Variants in COL28A1 observed in about 807,000 individuals in gnomAD.
The protein encoded by COL28A1 is collagen alpha-1(XXVIII) chain.
COL28A1 carries 161 observed loss-of-function variants against 150.2 expected under a neutral mutation model. The observed-to-expected ratio is 1.07, with a 90% CI of 0.94 to 1.22. The LOEUF is 1.22. Ranked by LOEUF, COL28A1 falls within the 50% of genes most tolerant of loss-of-function variation. COL28A1 has a pLI of 0.00. For missense variants in COL28A1, 1,617 were observed against 1,388.3 expected (o/e 1.16, Z -2.62); for synonymous variants, 552 against 469.7 (o/e 1.18, Z -2.26).
At chr7:7,369,835 A>G (rs1781124003) in intron 33 of COL28A1, among the ~76,000 whole-genome samples, 1 of 152,120 alleles carries the variant, frequency 6.6e-6, no homozygotes, top group Non-Finnish European at 1.5e-5. Context: ...TCACTCTTTC[A>G]TGTACATGAA....
chr7:7,479,562 A>G (rs1299888231), intron 13 of COL28A1, among the ~76,000 whole-genome samples: 2 of 152,236 alleles, frequency 1.3e-5, no homozygotes, highest in Non-Finnish European at 2.9e-5. Context: ...TTCTGTACTG[A>G]TAAATTTGGA....
At chr7:7,350,655 C>CT in the COL28A1 span, among the ~76,000 whole-genome samples, 3,501 of 115,076 alleles carry the variant, frequency 0.03, 74 homozygotes, top group African/African-American at 0.054. Context: ...GTTTTCTTTC[C>CT]TTTTTTTTTT....
At chr7:7,445,478 A>T (rs1786181872) in intron 18 of COL28A1, among the ~76,000 whole-genome samples, 5 of 152,232 alleles carry the variant, frequency 3.3e-5, no homozygotes, top group Admixed American at 3.3e-4. Flanking sequence ...TTTCTGTTGT[A>T]TTAAGGCACT....
chr7:7,367,648 A>G (rs1341734317), intron 33 of COL28A1, among the ~76,000 whole-genome samples: 1 of 151,904 alleles, frequency 6.6e-6, no homozygotes, highest in East Asian at 1.9e-4. Flanking sequence ...AAAGCTTCAT[A>G]TGTCCTAGTC....
At chr7:7,349,068 C>T in the COL28A1 span, among the ~76,000 whole-genome samples, 1 of 152,002 alleles carries the variant, frequency 6.6e-6, no homozygotes, top group Non-Finnish European at 1.5e-5. Flanking sequence ...ATGTTGTGTC[C>T]TTCTTTTCAA....
chr7:7,450,643 A>G (rs1257797589), intron 18 of COL28A1, among the ~76,000 whole-genome samples: 1 of 152,206 alleles, frequency 6.6e-6, no homozygotes, highest in African/African-American at 2.4e-5. Context: ...CGCACGCTCT[A>G]TGATCTTCCC....
chr7:7,437,402 C>T lies in COL28A1; in HGVS notation c.1783G>A (p.Gly595Arg), dbSNP rs1381246230. The T allele has an allele frequency of 1.2e-6, 2 of 1,613,064 alleles. No homozygotes were observed. The highest frequency in any genetic ancestry group is 1.7e-6 in the Non-Finnish European group (2 of 1,179,676). The change falls in exon 22 of 35, where the codon GGG (glycine) becomes AGG (arginine). Residue 595 changes from glycine (G) to arginine (R), a missense_variant. Physicochemically the swap from Gly to Arg is moderately radical, Grantham distance 125. Transcript: ENST00000399429. ...MPGTSIPGPP[G>R]PKGDRGGPGI... ...TCTCCAAGAATATATACCTTTGGCC[C>T]AGGTGGTCCAGGAATTGATGTTCCA...
At chr7:7,393,483 G>C (rs1016593160) in intron 27 of COL28A1, among the ~76,000 whole-genome samples, 1 of 152,230 alleles carries the variant, frequency 6.6e-6, no homozygotes, top group Non-Finnish European at 1.5e-5. Context: ...TTGAACGCTG[G>C]GCTGGGAGAT....
chr7:7,520,170 AC>A, intron 5 of COL28A1, 55 bp from the exon 6 acceptor site: 1 of 818,118 alleles, frequency 1.2e-6, no homozygotes, highest in Non-Finnish European at 2.0e-6. Context: ...TGTTTTCTAT[AC>A]TTTATAATAA....
chr7:7,446,616 T>TTTA (rs1786281710), intron 18 of COL28A1, among the ~76,000 whole-genome samples: 1 of 152,330 alleles, frequency 6.6e-6, no homozygotes, highest in East Asian at 1.9e-4. Flanking sequence ...TTTATGAGGC[T>TTTA]TATAAAGCCT....
chr7:7,456,942 G>C (rs2128334968), intron 15 of COL28A1, among the ~76,000 whole-genome samples: 1 of 152,336 alleles, frequency 6.6e-6, no homozygotes, highest in East Asian at 1.9e-4. Context: ...ACTGACGAGA[G>C]GGAATGAGCC....
chr7:7,452,356 G>A lies in COL28A1; in HGVS notation c.1472C>T (p.Pro491Leu). ...TACTCCAATTCCCACTGGTCCTCGA[G>A]GGCCTGTAGGTCCCATTTGGCCTAC... Reference protein sequence around the residue: ...GEVGQMGPTGPRGPVGIGVQG... With the variant: ...GEVGQMGPTGLRGPVGIGVQG... Residue 491 changes from proline to leucine, a missense_variant, in exon 18 of 35, where the codon CCT becomes CTT. Transcript: ENST00000399429. The A allele has an allele frequency of 6.2e-7, 1 of 1,604,860 alleles. No individual in the cohort carries two copies.
At chr7:7,489,070 T>C (rs1439541106) in intron 13 of COL28A1, among the ~76,000 whole-genome samples, 1 of 152,072 alleles carries the variant, frequency 6.6e-6, no homozygotes, top group Non-Finnish European at 1.5e-5. Context: ...GAGTTCGAGA[T>C]GAGCCTGGCC....
chr7:7,431,885 T>A (rs1357987476), intron 25 of COL28A1, among the ~76,000 whole-genome samples: 1 of 152,134 alleles, frequency 6.6e-6, no homozygotes, highest in Non-Finnish European at 1.5e-5. Context: ...TGACAGGATT[T>A]ACCAAAGGAC....
At chr7:7,527,726 C>A (rs557122345) in intron 3 of COL28A1, among the ~76,000 whole-genome samples, 3 of 152,238 alleles carry the variant, frequency 2.0e-5, no homozygotes, top group Admixed American at 6.5e-5. Context: ...TTAATGGATT[C>A]ATATATATGG....
At chr7:7,436,140 C>T (rs1388615225) in intron 23 of COL28A1, among the ~76,000 whole-genome samples, 1 of 152,176 alleles carries the variant, frequency 6.6e-6, no homozygotes, top group East Asian at 1.9e-4. Flanking sequence ...CCTTGTATCA[C>T]TGACAGTGCA....
chr7:7,380,689 G>A lies in COL28A1; in HGVS notation c.2293C>T (p.Gln765Ter), dbSNP rs201390762. 1.2e-4 allele frequency: 197 copies of A among 1,613,604 alleles called. No individual in the cohort carries two copies. The highest frequency in any genetic ancestry group is 7.5e-5 in the Non-Finnish European group (89 of 1,179,652). The change falls in exon 30 of 35, where the codon CAA (glutamine) becomes TAA (stop). Residue 765 changes from glutamine to a stop codon, truncating the protein, a stop_gained. Coordinates refer to ENST00000399429, the MANE Select transcript of COL28A1 (RefSeq NM_001037763.3). LOFTEE classifies it high-confidence loss of function. ...EPGSPGKQGL[Q>*]GPKGDLGLTK... ...AGTCCTAGGTCTCCTTTGGGTCCTTGTAAACCCTACTTAGTGGAAGAAGAG... is the reference window on the plus strand; with the variant it reads ...AGTCCTAGGTCTCCTTTGGGTCCTTATAAACCCTACTTAGTGGAAGAAGAG...
At chr7:7,384,295 A>G (rs1283447700) in intron 27 of COL28A1, among the ~76,000 whole-genome samples, 3 of 152,198 alleles carry the variant, frequency 2.0e-5, no homozygotes, top group Admixed American at 2.0e-4. Flanking sequence ...AGGCTCACCC[A>G]GAAGAGGAGT....
At chr7:7,368,461 A>G (rs1221333756) in intron 33 of COL28A1, among the ~76,000 whole-genome samples, 2 of 151,780 alleles carry the variant, frequency 1.3e-5, no homozygotes, top group Non-Finnish European at 2.9e-5. Flanking sequence ...TATTCTTAAA[A>G]CTTGACTCAA....
Sources: allele counts gnomAD v4.1 joint callset (sites outside exome capture counted in the v4.1 genomes callset), GRCh38; gene constraint gnomAD v4.1.1; transcripts MANE v1.5; gene names NCBI Gene and HGNC (gene_info 2026-07-23, HGNC 2026-07-21).